VPS45: variants seen among roughly 807,000 people sequenced by gnomAD.
VPS45 encodes the protein vacuolar protein sorting-associated protein 45.
In VPS45, 35 loss-of-function variants were observed where a neutral mutation model predicts 75.9. The ratio of observed to expected loss-of-function variants is 0.46; its 90% confidence interval spans 0.35 to 0.61. The LOEUF is 0.61. Ranked by LOEUF, VPS45 falls within the 20% of genes least tolerant of loss-of-function variation. The pLI is 0.00. For missense variants in VPS45, 559 were observed against 685.9 expected, an observed-to-expected ratio of 0.81 and a Z score of 2.07; for synonymous variants, 220 against 238.2, an observed-to-expected ratio of 0.92 and a Z score of 0.70.
At chr1:150,100,061 G>C (rs886633717) in intron 13 of VPS45, among the ~76,000 whole-genome samples, 3 of 152,108 alleles carry the variant, frequency 2.0e-5, no homozygotes, top group African/African-American at 7.2e-5. Context: ...GTTTTTAGAC[G>C]ACATGATTCT....
intron 7 of VPS45, among the ~76,000 whole-genome samples, chr1:150,080,148 C>T (rs1478776138): frequency 3.2e-5 from 1 of 30,938 alleles, no homozygotes; most frequent in Admixed American, 6.3e-4. Context: ...TTTTGTTGTA[C>T]GTTTTTTTTT....
intron 14 of VPS45, among the ~76,000 whole-genome samples, chr1:150,116,904 C>A (rs1170448000): frequency 6.6e-6 from 1 of 152,038 alleles, no homozygotes; most frequent in Non-Finnish European, 1.5e-5. Context: ...ACATATATAT[C>A]TCCATTTAAA....
intron 6 of VPS45, 101 bp from the exon 7 acceptor site, chr1:150,077,568 A>G: frequency 1.2e-6 from 1 of 854,098 alleles, no homozygotes. Context: ...ATGTGGGTGC[A>G]AAGAACTATT....
At chr1:150,103,272 CTA>C (rs1553804980) in intron 13 of VPS45, among the ~76,000 whole-genome samples, 2 of 152,080 alleles carry the variant, frequency 1.3e-5, no homozygotes, top group Non-Finnish European at 2.9e-5. Flanking sequence ...AAAAGATTTG[CTA>C]TGTGTTTTAC....
At chr1:150,092,570 CT>C in intron 12 of VPS45, 161 bp downstream of exon 12, 4 of 515,482 alleles carry the variant, frequency 7.8e-6, no homozygotes, top group Non-Finnish European at 1.3e-5. Context: ...AAAGCTTTTT[CT>C]TTTAGTGCTT....
intron 13 of VPS45, among the ~76,000 whole-genome samples, chr1:150,102,234 T>TAAA (rs1657070600): frequency 1.2e-4 from 1 of 8,636 alleles, no homozygotes; most frequent in African/African-American, 3.4e-4. Flanking sequence ...TGAGACTCCG[T>TAAA]CAAAAAAAAA....
intron 10 of VPS45, among the ~76,000 whole-genome samples, chr1:150,086,483 G>GTT (rs368017573): frequency 2.0e-5 from 3 of 151,680 alleles, no homozygotes; most frequent in Non-Finnish European, 2.9e-5. Context: ...AAAGTGTTTG[G>GTT]TTTTTTTGTG....
intron 14 of VPS45, among the ~76,000 whole-genome samples, chr1:150,121,885 A>G (rs1283390066): frequency 3.9e-5 from 6 of 152,188 alleles, no homozygotes; most frequent in Non-Finnish European, 5.9e-5. Flanking sequence ...AAATAGGTAT[A>G]TTTTATAGTA....
chr1:150,113,621 C>T (rs1425279839), intron 14 of VPS45, among the ~76,000 whole-genome samples: 4 of 152,120 alleles, frequency 2.6e-5, no homozygotes, highest in Admixed American at 6.6e-5. Context: ...ATAAGCCAGG[C>T]GTGGTGGCTC....
rs587619055 is a variant in VPS45 at position 150,112,173 on chromosome 1, T to A, written c.1625+1546T>A. The stretch of plus-strand genomic sequence containing the variant: ...TTCCTTTTTTTCTTAATAATTTTTT[T>A]AATTCTATTTATATAAATAAGGTTA... On this transcript the variant is annotated intron_variant, in intron 14 of 14. Transcript: ENST00000644510. Among the ~76,000 whole-genome samples, 14 of 152,238 alleles carry A rather than the reference T, an allele frequency of 9.2e-5. No individual in the cohort carries two copies. In the South Asian group the frequency reaches 1.0e-3, roughly 11 times the overall value.
intron 2 of VPS45, among the ~76,000 whole-genome samples, chr1:150,069,114 A>T (rs1322560588): frequency 1.3e-5 from 2 of 152,156 alleles, no homozygotes. Flanking sequence ...AGTGTCTTGA[A>T]TCTTTGCCAC....
chr1:150,094,089 T>TAAA (rs1656491931), intron 13 of VPS45, among the ~76,000 whole-genome samples: 1 of 152,236 alleles, frequency 6.6e-6, no homozygotes, highest in Non-Finnish European at 1.5e-5. Context: ...AAAGGCCATT[T>TAAA]GTTACACAGG....
At chr1:150,132,851 C>A (rs1293920767) in intron 14 of VPS45, among the ~76,000 whole-genome samples, 4 of 152,182 alleles carry the variant, frequency 2.6e-5, no homozygotes, top group African/African-American at 9.7e-5. Flanking sequence ...ATAGCTCCTT[C>A]ATACCATTGT....
At chr1:150,101,095 C>G (rs183638264) in intron 13 of VPS45, among the ~76,000 whole-genome samples, 3 of 152,098 alleles carry the variant, frequency 2.0e-5, no homozygotes, top group East Asian at 1.9e-4. Flanking sequence ...ATGGTGAAAC[C>G]CTGTCTCTAC....
chr1:150,128,243 A>G (rs1050461214), intron 14 of VPS45, among the ~76,000 whole-genome samples: 1 of 151,608 alleles, frequency 6.6e-6, no homozygotes, highest in Non-Finnish European at 1.5e-5. Context: ...CAGAGGTTGC[A>G]GTGAGTCAAG....
intron 2 of VPS45, chr1:150,068,999 C>T (rs1553796441): frequency 8.4e-6 from 4 of 475,806 alleles, no homozygotes. Flanking sequence ...CCCATTGCCA[C>T]TAATGAACTA....
chr1:150,140,044 C>T (rs1260947619), intron 14 of VPS45, among the ~76,000 whole-genome samples: 1 of 152,126 alleles, frequency 6.6e-6, no homozygotes, highest in Non-Finnish European at 1.5e-5. Flanking sequence ...CAGGCATGCA[C>T]CACCACGCCT....
At chr1:150,099,832 C>CAAA (rs1241681093) in intron 13 of VPS45, among the ~76,000 whole-genome samples, 1,249 of 108,122 alleles carry the variant, frequency 0.012, 47 homozygotes, top group African/African-American at 0.04. Flanking sequence ...GACTCCGTCT[C>CAAA]AAAAAAAAAA....
At chr1:150,082,908 A>G in intron 10 of VPS45, 25 bp downstream of exon 10, 1 of 1,606,596 alleles carries the variant, frequency 6.2e-7, no homozygotes, top group Non-Finnish European at 8.5e-7. Context: ...ATGAGCACCT[A>G]CTATGTGTAA....
Sources: gnomAD v4.1 joint callset for allele counts (sites outside exome capture counted in the v4.1 genomes callset) on GRCh38, gnomAD v4.1.1 for gene constraint, MANE v1.5 for transcripts, NCBI Gene and HGNC (gene_info 2026-07-23, HGNC 2026-07-21) for gene names.